Variants in WNT3 observed in about 807,000 individuals in gnomAD.
WNT3 encodes the protein Wnt family member 3.
In WNT3, 7 loss-of-function variants were observed where a neutral mutation model predicts 34.2. The ratio of observed to expected loss-of-function variants is 0.20; its 90% confidence interval spans 0.12 to 0.38. WNT3 has a LOEUF of 0.38. WNT3 is among the 10% of genes least tolerant of loss of function. The pLI is 1.00. For synonymous variants in WNT3, 212 were observed against 211.5 expected (o/e 1.00, Z -0.02); for missense variants, 267 against 499.8 (o/e 0.53, Z 4.44).
chr17:46,805,407 T>C (rs1287846706), intron 1 of WNT3, among the ~76,000 whole-genome samples: 1 of 152,020 alleles, frequency 6.6e-6, no homozygotes, highest in African/African-American at 2.4e-5. Context: ...ATCCCATCTC[T>C]ACTAAAAATA....
At chr17:46,805,598 A>T (rs943677706) in intron 1 of WNT3, among the ~76,000 whole-genome samples, 1 of 152,122 alleles carries the variant, frequency 6.6e-6, no homozygotes, top group African/African-American at 2.4e-5. Flanking sequence ...AATAAAAATT[A>T]AAAAAATTAG....
chr17:46,796,663 G>C lies in WNT3; in HGVS notation c.80+21855C>G, dbSNP rs915744601. Among the ~76,000 whole-genome samples the C allele has an allele frequency of 8.5e-5, 13 of 152,194 alleles. No homozygotes were observed. In the South Asian group the frequency reaches 1.0e-3, roughly 12 times the overall value. ...AGATCCTAAAAATGCAACTACAGGG[G>C]ACCTAAGACGGGAGAATGATTCACC... On this transcript the variant is annotated intron_variant, in intron 1 of 4. Transcript: ENST00000225512.
rs1311643104 is a variant in WNT3, at chr17:46,768,118, A to G, written c.*8+194T>C. ...TGGGTTTTTATCTGTGCTTTGTGCA[A>G]TCCACCAAGTCTCTGCCCAAGGACC... On this transcript the variant is annotated intron_variant, in intron 4 of 4. Transcript: ENST00000225512. This position sits in a 1 kb window ranked among gnomAD's most constrained non-coding sequence, Gnocchi z 5.0. Among the ~76,000 whole-genome samples the G allele has an allele frequency of 1.3e-5, 2 of 152,180 alleles. No homozygotes were observed. Among genetic ancestry groups the G allele is most frequent in the South Asian group, 2.1e-4 (1 of 4,830 alleles).
rs749719578 is a variant in WNT3 at position 46,779,103 on chromosome 17, A to ACACACCCCCC, written c.81-5195_81-5194insGGGGGGTGTG. Among the ~76,000 whole-genome samples the ACACACCCCCC allele has an allele frequency of 2.5e-4, 34 of 133,650 alleles. No individual in the cohort carries two copies. In the East Asian group the frequency reaches 2.8e-3, roughly 11 times the overall value. The allele number at this position is 133,650 out of a possible 152,430, so 87.7% of individuals were successfully genotyped here. ...CACACACACACACACACACACACAC[A>ACACACCCCCC]CCCCAGCCCACTCGGCCTTCCAAAG... On this transcript the variant is annotated intron_variant, in intron 1 of 4. Transcript: ENST00000225512.
At chr17:46,806,095 G>A (rs1297326433) in intron 1 of WNT3, among the ~76,000 whole-genome samples, 3 of 152,120 alleles carry the variant, frequency 2.0e-5, no homozygotes, top group Non-Finnish European at 2.9e-5. Context: ...CATCATAAGC[G>A]AGGAATTACT....
chr17:46,781,657 T>C (rs2059462212), intron 1 of WNT3, among the ~76,000 whole-genome samples: 1 of 152,106 alleles, frequency 6.6e-6, no homozygotes, highest in South Asian at 2.1e-4. Context: ...CAGACGGTGG[T>C]GATGGTCACA....
chr17:46,784,419 A>G (rs2059485170), intron 1 of WNT3, among the ~76,000 whole-genome samples: 1 of 152,096 alleles, frequency 6.6e-6, no homozygotes, highest in Admixed American at 6.5e-5. Context: ...GTAAGGAGCT[A>G]AAAGTTGAAT....
intron 1 of WNT3, among the ~76,000 whole-genome samples, chr17:46,794,063 A>C (rs946365520): frequency 2.0e-5 from 3 of 152,150 alleles, no homozygotes; most frequent in African/African-American, 7.2e-5. Context: ...AGGCATGTTC[A>C]TAGGGAACAG....
At chr17:46,795,074 C>G (rs1464441278) in intron 1 of WNT3, among the ~76,000 whole-genome samples, 2 of 152,044 alleles carry the variant, frequency 1.3e-5, no homozygotes, top group African/African-American at 4.8e-5. Flanking sequence ...TTCTGAGACA[C>G]CTGGTGGGAA....
chr17:46,765,089 T>C (rs952956508), intron 4 of WNT3, among the ~76,000 whole-genome samples: 1 of 152,268 alleles, frequency 6.6e-6, no homozygotes, highest in African/African-American at 2.4e-5. Flanking sequence ...TTCCTTCCCA[T>C]TGGAGCAGCA....
At chr17:46,772,429 T>G (rs563611839) in intron 2 of WNT3, among the ~76,000 whole-genome samples, 23 of 152,256 alleles carry the variant, frequency 1.5e-4, no homozygotes, top group African/African-American at 5.5e-4. Flanking sequence ...GACTCGCTTT[T>G]GGGGAGCGCG....
intron 1 of WNT3, among the ~76,000 whole-genome samples, chr17:46,793,108 T>A (rs2084007969): frequency 7.1e-6 from 1 of 140,328 alleles, no homozygotes. Flanking sequence ...CTACTAAAAT[T>A]AAAAAAAAAA....
At chr17:46,767,250 T>A (rs1430890550) in intron 4 of WNT3, among the ~76,000 whole-genome samples, 2 of 152,094 alleles carry the variant, frequency 1.3e-5, no homozygotes, top group Non-Finnish European at 2.9e-5. Context: ...CACCCGCCTT[T>A]GATCCCTCGA....
chr17:46,779,390 G>A (rs554806900), intron 1 of WNT3, among the ~76,000 whole-genome samples: 33 of 152,180 alleles, frequency 2.2e-4, no homozygotes, highest in African/African-American at 7.2e-4. Flanking sequence ...CCAGGCCTTC[G>A]CAGCTGGGCC....
At chr17:46,811,119 CA>C (rs2084268967) in intron 1 of WNT3, among the ~76,000 whole-genome samples, 1 of 144,658 alleles carries the variant, frequency 6.9e-6, no homozygotes, top group Non-Finnish European at 1.6e-5. Context: ...GGCCAGGCTG[CA>C]AACAGATAAA....
chr17:46,792,736 C>T lies in WNT3; in HGVS notation c.81-18827G>A, dbSNP rs535988115. On this transcript the variant is annotated intron_variant, in intron 1 of 4. Coordinates refer to ENST00000225512, the MANE Select transcript of WNT3 (RefSeq NM_030753.5). Reference sequence around the variant, plus strand: ...ATCTGCCCACCTCTGCCTCCCAAAGCGCTGGGACTACAGGTGTGAGCCATC... The same window carrying T: ...ATCTGCCCACCTCTGCCTCCCAAAGTGCTGGGACTACAGGTGTGAGCCATC... Among the ~76,000 whole-genome samples, 268 of 152,252 alleles carry T rather than the reference C, an allele frequency of 1.8e-3. 1 individual carries two copies. Among genetic ancestry groups the T allele is most frequent in the African/African-American group, 6.2e-3 (259 of 41,558 alleles).
intron 1 of WNT3, among the ~76,000 whole-genome samples, chr17:46,806,558 C>T (rs776131651): frequency 2.0e-5 from 3 of 152,122 alleles, no homozygotes; most frequent in East Asian, 1.9e-4. Context: ...GCTGCTTTCT[C>T]GAGGCTGCTT....
intron 1 of WNT3, among the ~76,000 whole-genome samples, chr17:46,780,580 A>G (rs2059451889): frequency 2.0e-5 from 3 of 152,078 alleles, no homozygotes; most frequent in African/African-American, 7.2e-5. Context: ...CGAGGTCAGG[A>G]GATCGAGACC....
intron 1 of WNT3, among the ~76,000 whole-genome samples, chr17:46,788,735 C>T (rs1436465243): frequency 5.5e-5 from 8 of 146,702 alleles, no homozygotes; most frequent in Non-Finnish European, 8.9e-5. Context: ...GGTGCAGTGG[C>T]CCTGCGAGGA....
Sources: allele counts gnomAD v4.1 joint callset (sites outside exome capture counted in the v4.1 genomes callset), GRCh38; gene constraint gnomAD v4.1.1; non-coding constraint Gnocchi (gnomAD v3.1); transcripts MANE v1.5; gene names NCBI Gene and HGNC (gene_info 2026-07-23, HGNC 2026-07-21).